The following PRMT6 variants were observed in gnomAD, a reference collection of about 807,000 sequenced individuals.
PRMT6 encodes the protein protein arginine N-methyltransferase 6.
In PRMT6, 23 loss-of-function variants were observed where a neutral mutation model predicts 30.5. The ratio of observed to expected loss-of-function variants is 0.75; its 90% CI spans 0.54 to 1.07. The LOEUF (loss-of-function observed/expected upper bound fraction) is 1.07, where lower values mean the gene tolerates loss of function less well. Ranked by LOEUF, PRMT6 falls within the 50% of genes least tolerant of loss-of-function variation. PRMT6 has a pLI of 0.00. For synonymous variants in PRMT6, 265 were observed against 228.0 expected, an observed-to-expected ratio of 1.16 and a Z score of -1.46; for missense variants, 528 against 514.3, an observed-to-expected ratio of 1.03 and a Z score of -0.26.
At position 107,059,026 on chromosome 1, in the gene PRMT6, G is replaced by A. The variant is rs894164575; in HGVS notation, c.*1183G>A. On this transcript the variant is annotated 3_prime_UTR_variant, in exon 1 of 1. Coordinates refer to ENST00000370078, the MANE Select transcript of PRMT6 (RefSeq NM_018137.3). ...GCCAATAAAACATTGACATTCTCAC[G>A]TTTTATAGATGAGGTAAAAAGTCTT... is the stretch of plus-strand genomic sequence containing the variant. The A allele has an allele frequency of 6.0e-6, 1 of 166,972 alleles. No homozygotes were observed. Among genetic ancestry groups the A allele is most frequent in the Non-Finnish European group, 1.5e-5 (1 of 68,094 alleles). The allele number at this position is 166,972 out of a possible 1,614,324, so 10.3% of individuals were successfully genotyped here.
rs912905791 is a variant in PRMT6, at chr1:107,057,954, C to A, written c.*111C>A. The A allele has an allele frequency of 2.1e-6, 3 of 1,395,810 alleles. No homozygotes were observed. 86.5% of individuals were successfully genotyped at this position (1,395,810 alleles called of 1,614,324 possible). The stretch of plus-strand genomic sequence containing the variant: ...CCACGTGCAAGTAGGGGGAATATCT[C>A]CCCCTTTTCCCTCATAGCCTCTAGG... On this transcript the variant is annotated 3_prime_UTR_variant, in exon 1 of 1. Transcript: ENST00000370078.
At position 107,056,838 on chromosome 1, in the gene PRMT6, G is replaced by A; in HGVS notation, c.123G>A (p.Arg41=). 6.2e-7 allele frequency: 1 copy of A among 1,610,300 alleles called. No homozygotes were observed. The highest frequency in any genetic ancestry group is 1.1e-5 in the South Asian group (1 of 90,464). Residue 41 remains arginine, a synonymous_variant, in exon 1 of 1, where the codon CGG becomes CGA. Coordinates refer to ENST00000370078, the MANE Select transcript of PRMT6 (RefSeq NM_018137.3). ...AALERPRRTK[R]ERDQLYYECY... Reference sequence around the variant, plus strand: ...TGGAGCGACCCCGGAGGACTAAGCGGGAACGGGACCAGCTGTACTACGAGT... The same window carrying A: ...TGGAGCGACCCCGGAGGACTAAGCGAGAACGGGACCAGCTGTACTACGAGT...
rs554348171 is a variant in PRMT6 at position 107,057,444 on chromosome 1, C to G, written c.729C>G (p.Gly243=). 6 of 1,613,278 alleles carry G rather than the reference C, an allele frequency of 3.7e-6. No individual in the cohort carries two copies. In the South Asian group the frequency reaches 6.6e-5, roughly 18 times the overall value. ...AGATCGTTGTGCAGGGATTGTCCGG[C>G]GAGGACGTGCTGGCCCGGCCGCAGC... is the stretch of plus-strand genomic sequence containing the variant. ...HSEIVVQGLS[G]EDVLARPQRF... is the part of the protein sequence containing the mutation. Residue 243 remains glycine (G), a synonymous_variant, in exon 1 of 1, where the codon GGC becomes GGG. Coordinates refer to ENST00000370078, the MANE Select transcript of PRMT6 (RefSeq NM_018137.3).
chr1:107,057,540 C>T lies in PRMT6; in HGVS notation c.825C>T (p.Phe275=), dbSNP rs1344962021. 3.1e-6 allele frequency: 5 copies of T among 1,613,660 alleles called. No individual in the cohort carries two copies. The highest frequency in any genetic ancestry group is 2.7e-5 in the African/African-American group (2 of 74,952). ...QELEAGVGGR[F]RCSCYGSAPM... ...TGGAGGCCGGAGTGGGCGGGCGCTT[C>T]CGCTGCAGCTGCTATGGCTCGGCGC... Residue 275 remains phenylalanine, a synonymous_variant, in exon 1 of 1, where the codon TTC becomes TTT. Coordinates refer to ENST00000370078, the MANE Select transcript of PRMT6 (RefSeq NM_018137.3).
At position 107,056,777 on chromosome 1, in the gene PRMT6, C is replaced by A. The variant is rs780971340; in HGVS notation, c.62C>A (p.Thr21Asn). Residue 21 changes from threonine (T) to asparagine (N), a missense_variant, in exon 1 of 1, where the codon ACT becomes AAT. Physicochemically the swap from Thr to Asn is moderately conservative, Grantham distance 65 (BLOSUM62 0). Coordinates refer to ENST00000370078, the MANE Select transcript of PRMT6 (RefSeq NM_018137.3). ...SGGGGEGGEG[T>N]EEEDGAEREA... ...GGCGGCGGCGAAGGAGGGGAGGGAA[C>A]TGAAGAGGAAGATGGCGCGGAGCGG... 11 of 1,560,586 alleles carry A rather than the reference C, an allele frequency of 7.0e-6. No individual in the cohort carries two copies. The highest frequency in any genetic ancestry group is 9.5e-6 in the Non-Finnish European group (11 of 1,152,370).
Position 107,058,924 on chromosome 1 carries a change from T to C in PRMT6, c.*1081T>C, listed in dbSNP as rs1041940856. ...CAGCCAAATGTGAAAGTTGTGAATT[T>C]AGGAAAATCACTTGTAATGAAGTGT... On this transcript the variant is annotated 3_prime_UTR_variant, in exon 1 of 1. Coordinates refer to ENST00000370078, the MANE Select transcript of PRMT6 (RefSeq NM_018137.3). 18 of 167,246 alleles carry C rather than the reference T, an allele frequency of 1.1e-4. No individual in the cohort carries two copies. Among genetic ancestry groups the C allele is most frequent in the African/African-American group, 4.3e-4 (18 of 41,602 alleles). 10.4% of individuals were successfully genotyped at this position (167,246 alleles called of 1,614,324 possible).
In PRMT6 at chr1:107,057,737, T is replaced by G. The variant is rs1206091356; in HGVS notation, c.1022T>G (p.Ile341Ser). 1.9e-6 allele frequency: 3 copies of G among 1,614,044 alleles called. No individual in the cohort carries two copies. Among genetic ancestry groups the G allele is most frequent in the Non-Finnish European group, 2.5e-6 (3 of 1,180,010 alleles). Residue 341 changes from isoleucine (I) to serine (S), a missense_variant, in exon 1 of 1, where the codon ATC (isoleucine) becomes AGC (serine). Physicochemically the swap from Ile to Ser is moderately radical, Grantham distance 142. Transcript: ENST00000370078. Reference protein sequence around the residue: ...VEQDTDVSGEITLLPSRDNPR... With the variant: ...VEQDTDVSGESTLLPSRDNPR... Reference sequence around the variant, plus strand: ...CAAGACACGGACGTTTCAGGAGAGATCACGCTGCTGCCCTCCCGGGACAAC... The same window carrying G: ...CAAGACACGGACGTTTCAGGAGAGAGCACGCTGCTGCCCTCCCGGGACAAC...
At position 107,058,031 on chromosome 1, in the gene PRMT6, AC is replaced by A; in HGVS notation, c.*189del. 1 of 816,086 alleles carries A rather than the reference AC, an allele frequency of 1.2e-6. No individual in the cohort carries two copies. The allele number at this position is 816,086 out of a possible 1,614,324, so 50.6% of individuals were successfully genotyped here. On this transcript the variant is annotated 3_prime_UTR_variant, in exon 1 of 1. Coordinates refer to ENST00000370078, the MANE Select transcript of PRMT6 (RefSeq NM_018137.3). ...TGAAGAGATTCTTCTGGTGATGTTTACTTAAAAAGTGATCCCCCTCAACAAC... is the reference window on the plus strand; with the variant it reads ...TGAAGAGATTCTTCTGGTGATGTTTATTAAAAAGTGATCCCCCTCAACAAC...
rs1208610134 is a variant in PRMT6 at position 107,058,597 on chromosome 1, T to C, written c.*754T>C. 6.0e-6 allele frequency: 1 copy of C among 167,106 alleles called. No homozygotes were observed. Among genetic ancestry groups the C allele is most frequent in the African/African-American group, 2.4e-5 (1 of 41,448 alleles). 10.4% of individuals were successfully genotyped at this position (167,106 alleles called of 1,614,324 possible). ...AAGAAATAGTATGGATTTTTAAAAA[T>C]TCTTGTCTCTACTATTATAACCAAA... is the stretch of plus-strand genomic sequence containing the variant. On this transcript the variant is annotated 3_prime_UTR_variant, in exon 1 of 1. Transcript: ENST00000370078.
Position 107,057,381 on chromosome 1 carries a change from G to A in PRMT6, c.666G>A (p.Leu222=). Residue 222 remains leucine (L), a synonymous_variant, in exon 1 of 1, where the codon CTG becomes CTA. Transcript: ENST00000370078. ...KQHYGVDMSC[L]EGFATRCLMG... Reference sequence around the variant, plus strand: ...ACTATGGTGTGGACATGAGCTGCCTGGAGGGCTTCGCCACGCGCTGTCTCA... The same window carrying A: ...ACTATGGTGTGGACATGAGCTGCCTAGAGGGCTTCGCCACGCGCTGTCTCA... 1.2e-6 allele frequency: 2 copies of A among 1,613,718 alleles called. No homozygotes were observed. Among genetic ancestry groups the A allele is most frequent in the Non-Finnish European group, 1.7e-6 (2 of 1,180,046 alleles).
rs1297066334 is a variant in PRMT6 at position 107,056,900 on chromosome 1, C to T, written c.185C>T (p.Ala62Val). 7 of 1,612,708 alleles carry T rather than the reference C, an allele frequency of 4.3e-6. No individual in the cohort carries two copies. Among genetic ancestry groups the T allele is most frequent in the Non-Finnish European group, 5.9e-6 (7 of 1,179,324 alleles). ...GTTTCGGTCCACGAGGAGATGATCG[C>T]GGACCGCGTCCGCACCGATGCCTAC... is the stretch of plus-strand genomic sequence containing the variant. ...SDVSVHEEMIADRVRTDAYRL... is the reference protein window; with the variant it reads ...SDVSVHEEMIVDRVRTDAYRL... The change falls in exon 1 of 1, where the codon GCG (alanine) becomes GTG (valine). Residue 62 changes from alanine to valine, a missense_variant. Ala to Val is a moderately conservative substitution (Grantham distance 64, BLOSUM62 0). Coordinates refer to ENST00000370078, the MANE Select transcript of PRMT6 (RefSeq NM_018137.3).
chr1:107,058,524 A>G lies in PRMT6; in HGVS notation c.*681A>G, dbSNP rs1433838271. On this transcript the variant is annotated 3_prime_UTR_variant, in exon 1 of 1. Transcript: ENST00000370078. ...TAAGTAAAATGGACTTTGTAATTGT[A>G]CAGCATACCTAAGAAACTCAGAAGG... 6.0e-6 allele frequency: 1 copy of G among 167,592 alleles called. No homozygotes were observed. Among genetic ancestry groups the G allele is most frequent in the African/African-American group, 2.4e-5 (1 of 41,480 alleles). 10.4% of individuals were successfully genotyped at this position (167,592 alleles called of 1,614,324 possible).
In PRMT6 at chr1:107,057,193, G is replaced by A. The variant is rs750548056; in HGVS notation, c.478G>A (p.Gly160Arg). Residue 160 changes from glycine (G) to arginine (R), a missense_variant, in exon 1 of 1, where the codon GGA becomes AGA. By Grantham distance (125) the Gly-to-Arg change is moderately radical. Coordinates refer to ENST00000370078, the MANE Select transcript of PRMT6 (RefSeq NM_018137.3). Reference protein sequence around the residue: ...DAIVSEWMGYGLLHESMLSSV... With the variant: ...DAIVSEWMGYRLLHESMLSSV... ...CATCGTGAGCGAGTGGATGGGCTAC[G>A]GACTCCTGCACGAGTCCATGCTGAG... 1.9e-6 allele frequency: 3 copies of A among 1,612,148 alleles called. No homozygotes were observed. The highest frequency in any genetic ancestry group is 1.3e-5 in the African/African-American group (1 of 74,942).
Position 107,056,910 on chromosome 1 carries a change from C to G in PRMT6, c.195C>G (p.Val65=). ...SVHEEMIADR[V]RTDAYRLGIL... ...ACGAGGAGATGATCGCGGACCGCGT[C>G]CGCACCGATGCCTACCGCCTGGGTA... The change falls in exon 1 of 1, where the codon GTC becomes GTG. Residue 65 remains valine (V), a synonymous_variant. Transcript: ENST00000370078. The G allele has an allele frequency of 6.2e-7, 1 of 1,612,302 alleles. No individual in the cohort carries two copies. The highest frequency in any genetic ancestry group is 8.5e-7 in the Non-Finnish European group (1 of 1,178,952).
chr1:107,058,001 C>G lies in PRMT6; in HGVS notation c.*158C>G. On this transcript the variant is annotated 3_prime_UTR_variant, in exon 1 of 1. Transcript: ENST00000370078. ...TAGGGAGGGAGAGTGACTTCATTCT[C>G]CATTTGAAGAGATTCTTCTGGTGAT... is the stretch of plus-strand genomic sequence containing the variant. The G allele has an allele frequency of 3.1e-6, 3 of 957,564 alleles. No homozygotes were observed. Among genetic ancestry groups the G allele is most frequent in the Non-Finnish European group, 4.7e-6 (3 of 634,406 alleles). The allele number at this position is 957,564 out of a possible 1,614,324, so 59.3% of individuals were successfully genotyped here.
Position 107,057,933 on chromosome 1 carries a change from G to T in PRMT6, c.*90G>T. 1 of 1,510,664 alleles carries T rather than the reference G, an allele frequency of 6.6e-7. No homozygotes were observed. The allele number at this position is 1,510,664 out of a possible 1,614,324, so 93.6% of individuals were successfully genotyped here. A position where few individuals can be genotyped will look rare whatever the true frequency, so the allele number is the denominator to read the frequency against. On this transcript the variant is annotated 3_prime_UTR_variant, in exon 1 of 1. Transcript: ENST00000370078. ...GTCGGAGGGGAAAGGGAGATCCCAC[G>T]TGCAAGTAGGGGGAATATCTCCCCC...
Position 107,057,083 on chromosome 1 carries a change from T to C in PRMT6, c.368T>C (p.Val123Ala). Residue 123 changes from valine to alanine, a missense_variant, in exon 1 of 1, where the codon GTG becomes GCG. By Grantham distance (64) the Val-to-Ala change is moderately conservative. Transcript: ENST00000370078. ...ASAIWQQAREVVRFNGLEDRV... is the reference protein window; with the variant it reads ...ASAIWQQAREAVRFNGLEDRV... The stretch of plus-strand genomic sequence containing the variant: ...GCCATCTGGCAACAGGCCCGGGAGG[T>C]GGTGCGGTTCAACGGGCTGGAGGAC... 6.2e-7 allele frequency: 1 copy of C among 1,608,580 alleles called. No individual in the cohort carries two copies. Among genetic ancestry groups the C allele is most frequent in the Non-Finnish European group, 8.5e-7 (1 of 1,179,162 alleles).
chr1:107,058,101 G>T lies in PRMT6; in HGVS notation c.*258G>T. ...ATTGGGCATTTAGCCTCAAAAGCAT[G>T]TAGTACCAAGCACTTGTATTTCCGT... On this transcript the variant is annotated 3_prime_UTR_variant, in exon 1 of 1. Transcript: ENST00000370078. The T allele has an allele frequency of 1.8e-6, 1 of 557,122 alleles. No individual in the cohort carries two copies. Among genetic ancestry groups the T allele is most frequent in the East Asian group, 3.4e-5 (1 of 29,604 alleles). The allele number at this position is 557,122 out of a possible 1,614,324, so 34.5% of individuals were successfully genotyped here. A position where few individuals can be genotyped will look rare whatever the true frequency, so the allele number is the denominator to read the frequency against.
Position 107,056,693 on chromosome 1 carries a change from G to A in PRMT6, c.-23G>A. The A allele has an allele frequency of 6.8e-7, 1 of 1,471,260 alleles. No individual in the cohort carries two copies. Among genetic ancestry groups the A allele is most frequent in the Non-Finnish European group, 9.0e-7 (1 of 1,109,578 alleles). 91.1% of individuals were successfully genotyped at this position (1,471,260 alleles called of 1,614,324 possible). A position where few individuals can be genotyped will look rare whatever the true frequency, so the allele number is the denominator to read the frequency against. On this transcript the variant is annotated 5_prime_UTR_variant, in exon 1 of 1. Coordinates refer to ENST00000370078, the MANE Select transcript of PRMT6 (RefSeq NM_018137.3). The stretch of plus-strand genomic sequence containing the variant: ...CGCGCCGTGCCGCGCTACGCCCGCC[G>A]GGAGCCGGGCAGAGCGGCCAAGATG...
Sources: gnomAD v4.1 joint callset for allele counts on GRCh38, gnomAD v4.1.1 for gene constraint, MANE v1.5 for transcripts, NCBI Gene and HGNC (gene_info 2026-07-23, HGNC 2026-07-21) for gene names.